LHFPL3: variants seen among roughly 807,000 people sequenced by gnomAD.
LHFPL3 encodes the protein LHFPL tetraspan subfamily member 3.
In LHFPL3, 5 loss-of-function variants were observed where a neutral mutation model predicts 19.3. The observed-to-expected ratio is 0.26, with a 90% CI of 0.14 to 0.54. The LOEUF is 0.54. Among genes scored for constraint, LHFPL3 ranks in the 20% least tolerant of loss-of-function variants. LHFPL3 has a pLI of 0.94. For missense variants in LHFPL3, 249 were observed against 307.4 expected (o/e 0.81, Z 1.42); for synonymous variants, 133 against 126.2 (o/e 1.05, Z -0.36).
intron 1 of LHFPL3, among the ~76,000 whole-genome samples, chr7:104,478,554 C>T (rs187249108): frequency 3.9e-5 from 6 of 152,314 alleles, no homozygotes; most frequent in South Asian, 4.1e-4. Flanking sequence ...TCATCTTCAT[C>T]CATCTGTGGC....
intron 2 of LHFPL3, among the ~76,000 whole-genome samples, chr7:104,896,422 G>A (rs1032492991): frequency 1.3e-5 from 2 of 152,184 alleles, no homozygotes; most frequent in Admixed American, 1.3e-4. Context: ...AGTGGCCCTT[G>A]CACTTGAGGA....
intron 1 of LHFPL3, among the ~76,000 whole-genome samples, chr7:104,357,216 G>A (rs1408121525): frequency 1.3e-5 from 2 of 152,194 alleles, no homozygotes; most frequent in African/African-American, 4.8e-5. Context: ...AGACATCCAT[G>A]TTCTTGCTCT....
rs368886144 is a variant in LHFPL3 at position 104,774,307 on chromosome 7, AG to A, written c.682+37398del. 1.9e-3 allele frequency among the ~76,000 whole-genome samples: 287 copies of A among 152,380 alleles called. 2 individuals are homozygous for A. The highest frequency in any genetic ancestry group is 6.4e-3 in the African/African-American group (266 of 41,596). Reference sequence around the variant, plus strand: ...ATTTGTCTAACACTCGCTCTGTTCCAGGCATGGTTCTAAGTCTTCTACATAC... The same window carrying A: ...ATTTGTCTAACACTCGCTCTGTTCCAGCATGGTTCTAAGTCTTCTACATAC... On this transcript the variant is annotated intron_variant, in intron 2 of 2. Coordinates refer to ENST00000424859, the MANE Select transcript of LHFPL3 (RefSeq NM_199000.3).
chr7:104,494,508 A>G (rs927079282), intron 1 of LHFPL3, among the ~76,000 whole-genome samples: 2 of 151,912 alleles, frequency 1.3e-5, no homozygotes, highest in Non-Finnish European at 2.9e-5. Context: ...TTCCTTCTTC[A>G]TCATCTTTAA....
chr7:104,534,303 C>T (rs1043488716), intron 1 of LHFPL3, among the ~76,000 whole-genome samples: 1 of 152,196 alleles, frequency 6.6e-6, no homozygotes, highest in African/African-American at 2.4e-5. Context: ...GAGATCATAG[C>T]TCAGTGTGTT....
In LHFPL3 at chr7:104,578,285, G is replaced by T. The variant is rs143685885; in HGVS notation, c.446-158390G>T. On this transcript the variant is annotated intron_variant, in intron 1 of 2. Transcript: ENST00000424859. ...CCGCTGCTTAGCTGCGCTGTGATGG[G>T]CCTGCTTCTTTTATAATCCTTATCA... Among the ~76,000 whole-genome samples, 716 of 152,328 alleles carry T rather than the reference G, an allele frequency of 4.7e-3. 6 individuals carry two copies. The highest frequency in any genetic ancestry group is 8.2e-3 in the Non-Finnish European group (557 of 68,036).
intron 1 of LHFPL3, among the ~76,000 whole-genome samples, chr7:104,626,263 G>T (rs748953800): frequency 5.9e-5 from 9 of 152,156 alleles, no homozygotes; most frequent in Admixed American, 1.3e-4. Flanking sequence ...CCATGGCAGG[G>T]CTGTGAGCAT....
At chr7:104,754,024 G>A (rs921947716) in intron 2 of LHFPL3, among the ~76,000 whole-genome samples, 8 of 152,114 alleles carry the variant, frequency 5.3e-5, no homozygotes, top group Non-Finnish European at 8.8e-5. Flanking sequence ...TCTCACTTGG[G>A]CCTTAAGGGA....
At chr7:104,345,126 A>C (rs1009830709) in intron 1 of LHFPL3, among the ~76,000 whole-genome samples, 2 of 152,160 alleles carry the variant, frequency 1.3e-5, no homozygotes, top group African/African-American at 4.8e-5. Context: ...ATCTTGAGTC[A>C]GTTTGTAAAG....
chr7:104,669,353 G>T, intron 1 of LHFPL3: 1 of 1,613,588 alleles, frequency 6.2e-7, no homozygotes, highest in Non-Finnish European at 8.5e-7. Flanking sequence ...GTCCCAAAAG[G>T]CCAAACTGGG....
At chr7:104,606,313 CAG>C in intron 1 of LHFPL3, among the ~76,000 whole-genome samples, 1 of 152,188 alleles carries the variant, frequency 6.6e-6, no homozygotes, top group East Asian at 1.9e-4. Flanking sequence ...AATAGCAAAA[CAG>C]AGATATCAGA....
At chr7:104,461,512 A>G (rs768771723) in intron 1 of LHFPL3, among the ~76,000 whole-genome samples, 4 of 152,216 alleles carry the variant, frequency 2.6e-5, no homozygotes, top group Non-Finnish European at 5.9e-5. Flanking sequence ...TCAGATGGTT[A>G]TAAGTATGCA....
chr7:104,549,629 T>C (rs1432236536), intron 1 of LHFPL3, among the ~76,000 whole-genome samples: 2 of 152,176 alleles, frequency 1.3e-5, no homozygotes, highest in Admixed American at 6.5e-5. Flanking sequence ...AGACATGAGA[T>C]AAGAGAACAA....
intron 2 of LHFPL3, among the ~76,000 whole-genome samples, chr7:104,795,270 A>G (rs1790101089): frequency 6.6e-6 from 1 of 152,226 alleles, no homozygotes; most frequent in African/African-American, 2.4e-5. Context: ...GCACATCACG[A>G]GCTGCCACAC....
intron 1 of LHFPL3, among the ~76,000 whole-genome samples, chr7:104,340,346 A>G (rs1789922292): frequency 6.6e-6 from 1 of 152,190 alleles, no homozygotes; most frequent in Admixed American, 6.5e-5. Context: ...AAAAACTAGA[A>G]AGACGAGTAG....
intron 2 of LHFPL3, among the ~76,000 whole-genome samples, chr7:104,778,231 A>G (rs1794662922): frequency 6.6e-6 from 1 of 152,176 alleles, no homozygotes; most frequent in African/African-American, 2.4e-5. Flanking sequence ...TGGGCTCTCA[A>G]TGGTCCCTAA....
rs1374407615 is a variant in LHFPL3 at position 104,827,600 on chromosome 7, CTGTTT to C, written c.683-78575_683-78571del. Among the ~76,000 whole-genome samples the C allele has an allele frequency of 7.9e-5, 12 of 151,178 alleles. No individual in the cohort carries two copies. In the South Asian group the frequency reaches 1.9e-3, roughly 24 times the overall value. ...AGTATTTAAACACTGTCTCAAATAT[CTGTTT>C]TGTTTTGTTTTTTTTTTTGATTGAT... On this transcript the variant is annotated intron_variant, in intron 2 of 2. Transcript: ENST00000424859.
chr7:104,908,390 T>G lies in LHFPL3; in HGVS notation c.*2175T>G, dbSNP rs567659997. Among the ~76,000 whole-genome samples, 1 of 152,190 alleles carries G rather than the reference T, an allele frequency of 6.6e-6. No homozygotes were observed. Among genetic ancestry groups the G allele is most frequent in the Non-Finnish European group, 1.5e-5 (1 of 68,010 alleles). The stretch of plus-strand genomic sequence containing the variant: ...AATATAAGAAGTAGGTTTTTATCTT[T>G]TTAAAAAAAAAACAAAAAAGGTGAC... On this transcript the variant is annotated 3_prime_UTR_variant, in exon 3 of 3. Coordinates refer to ENST00000424859, the MANE Select transcript of LHFPL3 (RefSeq NM_199000.3).
At chr7:104,897,121 T>C (rs550661092) in intron 2 of LHFPL3, among the ~76,000 whole-genome samples, 1 of 152,150 alleles carries the variant, frequency 6.6e-6, no homozygotes, top group South Asian at 2.1e-4. Flanking sequence ...AAGAACAATC[T>C]ATTTATTTCT....
Sources: gnomAD v4.1 joint callset for allele counts (sites outside exome capture counted in the v4.1 genomes callset) on GRCh38, gnomAD v4.1.1 for gene constraint, MANE v1.5 for transcripts, NCBI Gene and HGNC (gene_info 2026-07-23, HGNC 2026-07-21) for gene names.